Variants in REL observed in about 807,000 individuals in gnomAD.
REL encodes proto-oncogene c-Rel.
A neutral mutation model predicts 45.9 loss-of-function variants in REL; 15 were observed. That is an observed-to-expected ratio of 0.33 (90% CI 0.22 to 0.50). REL has a LOEUF of 0.50. REL is among the 20% of genes least tolerant of loss of function. The pLI, the probability that REL is intolerant of heterozygous loss-of-function variation, is 0.98. For synonymous variants in REL, 239 were observed against 242.1 expected (o/e 0.99, Z 0.12); for missense variants, 601 against 715.2 (o/e 0.84, Z 1.82).
chr2:60,881,824 G>A lies in REL; in HGVS notation c.-17G>A. 1 of 1,524,420 alleles carries A rather than the reference G, an allele frequency of 6.6e-7. No individual in the cohort carries two copies. 94.4% of individuals were successfully genotyped at this position (1,524,420 alleles called of 1,614,324 possible). ...GACGCTGGGAGCTGCCTGCGGGAAG[G>A]TGCGGGGAGCGGAGCCATGGCCTCC... On this transcript the variant is annotated 5_prime_UTR_variant, in exon 1 of 10. In the 5' UTR this introduces an upstream ATG that the reference lacks. Transcript: ENST00000394479.
At position 60,916,513 on chromosome 2, in the gene REL, A is replaced by G. The variant is rs1447837771; in HGVS notation, c.395-364A>G. Among the ~76,000 whole-genome samples, 3 of 152,202 alleles carry G rather than the reference A, an allele frequency of 2.0e-5. No individual in the cohort carries two copies. The East Asian group carries it at 5.8e-4, about 29-fold the overall frequency. ...TAATTTACAGAGTCCTTAACACAAC[A>G]ACTGGACCAAATACATACTTGTTGA... On this transcript the variant is annotated intron_variant, in intron 4 of 9. Transcript: ENST00000394479.
Position 60,900,851 on chromosome 2 carries a change from T to G in REL, c.303-141T>G, listed in dbSNP as rs770639862. The G allele has an allele frequency of 4.2e-6, 3 of 720,314 alleles. No homozygotes were observed. The Admixed American group carries it at 1.1e-4, about 25-fold the overall frequency. The allele number at this position is 720,314 out of a possible 1,614,324, so 44.6% of individuals were successfully genotyped here. On this transcript the variant is annotated intron_variant, in intron 3 of 9. Transcript: ENST00000394479. ...AATCCCACTTCTTACTCTCTCATCT[T>G]TATCAGAGCAATTGGAAGCACGTTC...
In REL at chr2:60,894,568, C is replaced by T. The variant is rs939591720; in HGVS notation, c.302+23C>T. The T allele has an allele frequency of 3.9e-6, 6 of 1,525,288 alleles. No homozygotes were observed. The African/African-American group carries it at 8.4e-5, about 21-fold the overall frequency. The allele number at this position is 1,525,288 out of a possible 1,614,324, so 94.5% of individuals were successfully genotyped here. On this transcript the variant is annotated intron_variant, in intron 3 of 9. Transcript: ENST00000394479. ...GTTGTAAGTACACAGTTACAGACAT[C>T]TTCAGAAATAAGATAAGACATAGGA... is the stretch of plus-strand genomic sequence containing the variant.
At chr2:60,892,564 G>A (rs1458698919) in intron 2 of REL, among the ~76,000 whole-genome samples, 2 of 151,862 alleles carry the variant, frequency 1.3e-5, no homozygotes, top group Admixed American at 6.6e-5. Context: ...GAGTAGCTGG[G>A]ATTACAGACG....
chr2:60,885,733 G>T (rs182523205), intron 1 of REL, among the ~76,000 whole-genome samples: 5 of 152,220 alleles, frequency 3.3e-5, no homozygotes, highest in African/African-American at 4.8e-5. Flanking sequence ...AGCTCCATTG[G>T]CTCCTTTAGG....
Position 60,926,633 on chromosome 2 carries a change from T to C in REL, c.*4098T>C. On this transcript the variant is annotated 3_prime_UTR_variant, in exon 10 of 10. Coordinates refer to ENST00000394479, the MANE Select transcript of REL (RefSeq NM_001291746.2). ...ATCAGAGCCCACAGGTTCAGTTTTC[T>C]TTCATGCTACCTGAATGTCCTGATA... 1 of 230,516 alleles carries C rather than the reference T, an allele frequency of 4.3e-6. No individual in the cohort carries two copies. The highest frequency in any genetic ancestry group is 6.1e-5 in the East Asian group (1 of 16,442). The allele number at this position is 230,516 out of a possible 1,614,324, so 14.3% of individuals were successfully genotyped here. A position where few individuals can be genotyped will look rare whatever the true frequency, so the allele number is the denominator to read the frequency against.
intron 5 of REL, among the ~76,000 whole-genome samples, chr2:60,917,717 C>CGT (rs977815725): frequency 2.1e-5 from 3 of 145,426 alleles, no homozygotes; most frequent in East Asian, 2.2e-4. Flanking sequence ...TGTGTGTGTA[C>CGT]GTGTGTGTGT....
chr2:60,886,118 A>T (rs569989509), intron 1 of REL, among the ~76,000 whole-genome samples: 1 of 152,316 alleles, frequency 6.6e-6, no homozygotes, highest in South Asian at 2.1e-4. Context: ...GTTTTAAGAC[A>T]ATTATTCTTA....
intron 4 of REL, among the ~76,000 whole-genome samples, chr2:60,913,411 C>T (rs144597442): frequency 2.0e-5 from 3 of 152,122 alleles, no homozygotes; most frequent in South Asian, 2.1e-4. Flanking sequence ...GGCTAGTGGC[C>T]GGGTACACTA....
Position 60,925,100 on chromosome 2 carries a change from G to A in REL, c.*2565G>A, listed in dbSNP as rs1456149447. On this transcript the variant is annotated 3_prime_UTR_variant, in exon 10 of 10. Transcript: ENST00000394479. ...TTTTATTATTACAGATTAAAGTTGGGCAGTAATCTTAATTATGATGGAATT... is the reference window on the plus strand; with the variant it reads ...TTTTATTATTACAGATTAAAGTTGGACAGTAATCTTAATTATGATGGAATT... The A allele has an allele frequency of 1.5e-5, 3 of 198,174 alleles. No individual in the cohort carries two copies. The highest frequency in any genetic ancestry group is 2.3e-5 in the African/African-American group (1 of 43,330). 12.3% of individuals were successfully genotyped at this position (198,174 alleles called of 1,614,324 possible).
chr2:60,922,616 A>G lies in REL; in HGVS notation c.*81A>G, dbSNP rs1674175762. The G allele has an allele frequency of 7.0e-7, 1 of 1,424,122 alleles. No homozygotes were observed. 88.2% of individuals were successfully genotyped at this position (1,424,122 alleles called of 1,614,324 possible). The stretch of plus-strand genomic sequence containing the variant: ...TTGTATTTGTCTAACTGGGGATATA[A>G]TACTATATTTATACTGTATATATAA... On this transcript the variant is annotated 3_prime_UTR_variant, in exon 10 of 10. Coordinates refer to ENST00000394479, the MANE Select transcript of REL (RefSeq NM_001291746.2).
In REL at chr2:60,922,441, A is replaced by G; in HGVS notation, c.1670A>G (p.His557Arg). 3 of 1,614,032 alleles carry G rather than the reference A, an allele frequency of 1.9e-6. No homozygotes were observed. Among genetic ancestry groups the G allele is most frequent in the Non-Finnish European group, 2.5e-6 (3 of 1,179,972 alleles). ...TCAAACAGTACTAATCCAAACAGTC[A>G]TGGTTTTGTTCAAGATAGTCAGTAT... Reference protein sequence around the residue: ...GPSNSTNPNSHGFVQDSQYSG... With the variant: ...GPSNSTNPNSRGFVQDSQYSG... The change falls in exon 10 of 10, where the codon CAT becomes CGT. Residue 557 changes from histidine to arginine, a missense_variant. Around this residue, in one of 4 missense-constraint regions of REL, gnomAD observed 334 missense variants for 333.1 expected, o/e 1.00. Coordinates refer to ENST00000394479, the MANE Select transcript of REL (RefSeq NM_001291746.2).
At position 60,923,065 on chromosome 2, in the gene REL, A is replaced by C. The variant is rs1031567165; in HGVS notation, c.*530A>C. The C allele has an allele frequency of 8.5e-5, 15 of 175,468 alleles. No homozygotes were observed. Among genetic ancestry groups the C allele is most frequent in the Non-Finnish European group, 1.3e-4 (11 of 81,550 alleles). The allele number at this position is 175,468 out of a possible 1,614,324, so 10.9% of individuals were successfully genotyped here. A position where few individuals can be genotyped will look rare whatever the true frequency, so the allele number is the denominator to read the frequency against. ...TCTCAAAAAAAAAAAAACAAAAAAA[A>C]CACACTTTTTTATATTTCTTTTTAT... is the stretch of plus-strand genomic sequence containing the variant. On this transcript the variant is annotated 3_prime_UTR_variant, in exon 10 of 10. Transcript: ENST00000394479.
Position 60,930,431 on chromosome 2 carries a change from T to TA in REL, c.*7897dup, listed in dbSNP as rs1297453001. ...AGCCTTCTTTTGGCTTATCATTTAT[T>TA]ATAAGCCCAGAAATAGGTGACTAAT... On this transcript the variant is annotated 3_prime_UTR_variant, in exon 10 of 10. Transcript: ENST00000394479. The TA allele has an allele frequency of 6.6e-6, 1 of 152,352 alleles. No individual in the cohort carries two copies. The highest frequency in any genetic ancestry group is 2.1e-4 in the South Asian group (1 of 4,828). The allele number at this position is 152,352 out of a possible 1,614,324, so 9.4% of individuals were successfully genotyped here.
At chr2:60,902,351 CA>C (rs1264812337) in intron 4 of REL, among the ~76,000 whole-genome samples, 5 of 152,006 alleles carry the variant, frequency 3.3e-5, no homozygotes, top group African/African-American at 1.2e-4. Flanking sequence ...CCAGTCTTAC[CA>C]GGGGAGACTG....
intron 4 of REL, among the ~76,000 whole-genome samples, chr2:60,906,967 T>C (rs1233855277): frequency 6.7e-6 from 1 of 149,348 alleles, no homozygotes; most frequent in Non-Finnish European, 1.5e-5. Flanking sequence ...TTGCCCAGGC[T>C]GGAGTGCAAT....
Position 60,923,523 on chromosome 2 carries a change from T to G in REL, c.*988T>G. The G allele has an allele frequency of 1.3e-5, 3 of 232,652 alleles. No homozygotes were observed. The highest frequency in any genetic ancestry group is 2.5e-5 in the Non-Finnish European group (3 of 117,656). 14.4% of individuals were successfully genotyped at this position (232,652 alleles called of 1,614,324 possible). A position where few individuals can be genotyped will look rare whatever the true frequency, so the allele number is the denominator to read the frequency against. ...CACACTCAGCATATCCAAAACTGAA[T>G]TCTTGGTCTTCCCTCCCAAACTTGC... On this transcript the variant is annotated 3_prime_UTR_variant, in exon 10 of 10. Transcript: ENST00000394479.
Position 60,881,839 on chromosome 2 carries a change from C to T in REL, c.-2C>T, listed in dbSNP as rs1672944566. 4.6e-6 allele frequency: 7 copies of T among 1,515,958 alleles called. No individual in the cohort carries two copies. Among genetic ancestry groups the T allele is most frequent in the Non-Finnish European group, 6.2e-6 (7 of 1,133,138 alleles). The allele number at this position is 1,515,958 out of a possible 1,614,324, so 93.9% of individuals were successfully genotyped here. A position where few individuals can be genotyped will look rare whatever the true frequency, so the allele number is the denominator to read the frequency against. On this transcript the variant is annotated 5_prime_UTR_variant, in exon 1 of 10. Transcript: ENST00000394479. ...CTGCGGGAAGGTGCGGGGAGCGGAG[C>T]CATGGCCTCCGGTGAGTGTTCATGG...
intron 8 of REL, 185 bp downstream of exon 8, chr2:60,920,294 C>CA: frequency 1.6e-6 from 1 of 617,912 alleles, no homozygotes; most frequent in Non-Finnish European, 2.9e-6. Context: ...CTCTGCCCCC[C>CA]AGGTTCAACA....
Sources: gnomAD v4.1 joint callset for allele counts (sites outside exome capture counted in the v4.1 genomes callset) on GRCh38, gnomAD v4.1.1 for gene constraint, gnomAD v4.1.1 regional missense constraint, MANE v1.5 for transcripts, NCBI Gene and HGNC (gene_info 2026-07-23, HGNC 2026-07-21) for gene names.